The following HDGFL2 variants were observed in gnomAD, a reference collection of about 807,000 sequenced individuals.
HDGFL2 encodes the protein hepatoma-derived growth factor-related protein 2.
A neutral mutation model predicts 77.1 loss-of-function variants in HDGFL2; 36 were observed. The observed-to-expected ratio is 0.47, with a 90% CI of 0.36 to 0.62. HDGFL2 has a LOEUF of 0.62. Among genes scored for constraint, HDGFL2 ranks in the 20% least tolerant of loss-of-function variants. HDGFL2 has a pLI of 0.00. For missense variants in HDGFL2, 976 were observed against 973.4 expected, an observed-to-expected ratio of 1.00 and a Z score of -0.04; for synonymous variants, 463 against 413.1, an observed-to-expected ratio of 1.12 and a Z score of -1.46.
At position 4,473,161 on chromosome 19, in the gene HDGFL2, C is replaced by T. The variant is rs138738980; in HGVS notation, c.72+739C>T. On this transcript the variant is annotated intron_variant, in intron 1 of 15. Transcript: ENST00000616600. ...GGGTCTGGGGCCTGATAAATTCTCA[C>T]TCTGGGGGAATGGCGGTCCTGGACC... Among the ~76,000 whole-genome samples, 69 of 146,676 alleles carry T rather than the reference C, an allele frequency of 4.7e-4. No individual in the cohort carries two copies. In the East Asian group the frequency reaches 0.013, roughly 29 times the overall value.
At position 4,492,219 on chromosome 19, in the gene HDGFL2, G is replaced by A. The variant is rs372574630; in HGVS notation, c.678+384G>A. Reference sequence around the variant, plus strand: ...TCTGTCTCTGTGCACGTGTGTCGACGTGCATGTGTGTGTGTGTACTTGTGT... The same window carrying A: ...TCTGTCTCTGTGCACGTGTGTCGACATGCATGTGTGTGTGTGTACTTGTGT... On this transcript the variant is annotated intron_variant, in intron 6 of 15. Transcript: ENST00000616600. 1.6e-4 allele frequency among the ~76,000 whole-genome samples: 24 copies of A among 152,222 alleles called. No homozygotes were observed. In the East Asian group the frequency reaches 3.9e-3, roughly 24 times the overall value.
At chr19:4,476,559 G>A (rs901681673) in intron 3 of HDGFL2, among the ~76,000 whole-genome samples, 12 of 151,206 alleles carry the variant, frequency 7.9e-5, no homozygotes, top group African/African-American at 2.2e-4. Flanking sequence ...AGGAAAAGAC[G>A]TTTTTTTCTT....
At chr19:4,491,459 A>T (rs1365805602) in intron 4 of HDGFL2, 107 bp from the exon 5 acceptor site, 2 of 883,282 alleles carry the variant, frequency 2.3e-6, no homozygotes, top group Non-Finnish European at 3.7e-6. Context: ...GGCCCGCCAG[A>T]GAGGTTCCAG....
At chr19:4,493,304 G>T (rs1448721310) in intron 6 of HDGFL2, among the ~76,000 whole-genome samples, 6 of 150,460 alleles carry the variant, frequency 4.0e-5, no homozygotes, top group Admixed American at 4.0e-4. Flanking sequence ...TGTGTGTGGT[G>T]TGTGTGTGGT....
chr19:4,480,457 A>C (rs1324545622), intron 3 of HDGFL2, among the ~76,000 whole-genome samples: 1 of 152,150 alleles, frequency 6.6e-6, no homozygotes. Context: ...AGTGGCTCAC[A>C]CCTGTAATCC....
intron 9 of HDGFL2, among the ~76,000 whole-genome samples, chr19:4,495,632 G>A (rs549043950): frequency 3.4e-4 from 51 of 152,210 alleles, no homozygotes; most frequent in African/African-American, 1.2e-3. Flanking sequence ...TGGGCTGCAG[G>A]GAGGATTTGG....
intron 12 of HDGFL2, 131 bp downstream of exon 12, chr19:4,498,507 T>C: frequency 1.3e-6 from 1 of 742,166 alleles, no homozygotes; most frequent in Non-Finnish European, 2.3e-6. Context: ...CTGTTCCGGT[T>C]GCTAGTGAGC....
chr19:4,480,762 G>A (rs987623278), intron 3 of HDGFL2, among the ~76,000 whole-genome samples: 7 of 152,124 alleles, frequency 4.6e-5, no homozygotes, highest in South Asian at 2.1e-4. Flanking sequence ...TTGTATGAGC[G>A]GGTGGACCTG....
At chr19:4,496,676 G>A (rs995135904) in intron 10 of HDGFL2, among the ~76,000 whole-genome samples, 1 of 152,092 alleles carries the variant, frequency 6.6e-6, no homozygotes, top group African/African-American at 2.4e-5. Context: ...TGACTGGGGG[G>A]TGCTCCTGGC....
At chr19:4,501,752 T>A in intron 15 of HDGFL2, 159 bp from the exon 16 acceptor site, 1 of 561,354 alleles carries the variant, frequency 1.8e-6, no homozygotes, top group South Asian at 2.7e-5. Flanking sequence ...GAGATGGTTG[T>A]GGTCTCTAGT....
At chr19:4,492,441 T>C (rs111067234) in intron 6 of HDGFL2, among the ~76,000 whole-genome samples, 11,970 of 151,970 alleles carry the variant, frequency 0.079, 525 homozygotes, top group African/African-American at 0.12. Flanking sequence ...TCTGTGTTCC[T>C]ATGTGAGTAT....
intron 14 of HDGFL2, 85 bp downstream of exon 14, chr19:4,499,789 T>C (rs931611084): frequency 9.2e-7 from 1 of 1,086,392 alleles, no homozygotes; most frequent in South Asian, 1.6e-5. Context: ...AGAAGGGGAG[T>C]ACAGCTCTAC....
chr19:4,473,474 G>A (rs1360464859), intron 1 of HDGFL2, among the ~76,000 whole-genome samples: 1 of 151,928 alleles, frequency 6.6e-6, no homozygotes, highest in Non-Finnish European at 1.5e-5. Context: ...CCAGGCCTGA[G>A]GGCTCAAGGT....
intron 4 of HDGFL2, 71 bp downstream of exon 4, chr19:4,488,947 C>T: frequency 9.0e-7 from 1 of 1,110,714 alleles, no homozygotes; most frequent in East Asian, 2.6e-5. Flanking sequence ...GCTTGCTCTC[C>T]TGCCCTTTTT....
At chr19:4,484,721 G>C (rs1975317018) in intron 3 of HDGFL2, among the ~76,000 whole-genome samples, 1 of 129,562 alleles carries the variant, frequency 7.7e-6, no homozygotes, top group African/African-American at 3.0e-5. Context: ...ATCCAGGCTG[G>C]AGTGTAGTGG....
At chr19:4,493,064 G>A (rs796251893) in intron 6 of HDGFL2, among the ~76,000 whole-genome samples, 2 of 111,410 alleles carry the variant, frequency 1.8e-5, no homozygotes, top group Non-Finnish European at 1.8e-5. Flanking sequence ...TGTGTGTGTT[G>A]TCTGTGTGTG....
intron 3 of HDGFL2, among the ~76,000 whole-genome samples, chr19:4,480,842 A>G (rs1975193833): frequency 6.6e-6 from 1 of 151,826 alleles, no homozygotes; most frequent in Non-Finnish European, 1.5e-5. Flanking sequence ...TGTGAGCCTC[A>G]GTTTCCTTAT....
chr19:4,474,612 C>G (rs1408657621), intron 1 of HDGFL2, among the ~76,000 whole-genome samples: 1 of 152,030 alleles, frequency 6.6e-6, no homozygotes, highest in African/African-American at 2.4e-5. Flanking sequence ...TTGGGGGAGA[C>G]CAGAGCAATG....
At position 4,501,955 on chromosome 19, in the gene HDGFL2, G is replaced by C. The variant is rs750522810; in HGVS notation, c.1961G>C (p.Arg654Pro). The C allele has an allele frequency of 6.7e-7, 1 of 1,502,116 alleles. No homozygotes were observed. Among genetic ancestry groups the C allele is most frequent in the Non-Finnish European group, 8.8e-7 (1 of 1,131,542 alleles). 93.0% of individuals were successfully genotyped at this position (1,502,116 alleles called of 1,614,324 possible). ...GPDLDRPGSD[R>P]QERERARGDS... ...GACCTGGACAGGCCTGGGAGCGACC[G>C]GCAGGAGCGCGAGAGGGCACGGGGG... The change falls in exon 16 of 16, where the codon CGG (arginine) becomes CCG (proline). Residue 654 changes from arginine (R) to proline (P), a missense_variant. Around this residue, in one of 5 missense-constraint regions of HDGFL2, gnomAD observed 229 missense variants for 187.3 expected, o/e 1.22. Transcript: ENST00000616600.
Sources: allele counts gnomAD v4.1 joint callset (sites outside exome capture counted in the v4.1 genomes callset), GRCh38; gene constraint gnomAD v4.1.1; regional missense constraint gnomAD v4.1.1; transcripts MANE v1.5; gene names NCBI Gene and HGNC (gene_info 2026-07-23, HGNC 2026-07-21).